SPATA17: variants seen among roughly 807,000 people sequenced by gnomAD.
SPATA17 encodes the protein spermatogenesis associated 17, also known as spermatogenesis-associated protein 17.
In SPATA17, 53 loss-of-function variants were observed where a neutral mutation model predicts 62.2. The observed-to-expected ratio is 0.85, with a 90% CI of 0.68 to 1.07. SPATA17 has a LOEUF of 1.07. SPATA17 is among the 50% of genes least tolerant of loss of function. The pLI is 0.00. For synonymous variants in SPATA17, 146 were observed against 146.8 expected, an observed-to-expected ratio of 0.99 and a Z score of 0.04; for missense variants, 466 against 425.5, an observed-to-expected ratio of 1.10 and a Z score of -0.84.
intron 3 of SPATA17, among the ~76,000 whole-genome samples, chr1:217,657,909 G>A (rs528625189): frequency 3.2e-4 from 48 of 152,212 alleles, no homozygotes; most frequent in African/African-American, 1.1e-3. Flanking sequence ...CAATCATGGC[G>A]GAAGGTGAAA....
rs556527498 is a variant in SPATA17 at position 217,707,341 on chromosome 1, T to A, written c.395+23980T>A. Among the ~76,000 whole-genome samples the A allele has an allele frequency of 3.3e-5, 5 of 152,330 alleles. No individual in the cohort carries two copies. The East Asian group carries it at 9.6e-4, about 29-fold the overall frequency. ...AGCTTTTAGATAGAGACTGTGGGAT[T>A]TTCTTGGTGTAGAATCATATCATCT... On this transcript the variant is annotated intron_variant, in intron 5 of 10. Transcript: ENST00000366933.
At chr1:217,832,275 A>G (rs1204809107) in intron 9 of SPATA17, among the ~76,000 whole-genome samples, 1 of 152,106 alleles carries the variant, frequency 6.6e-6, no homozygotes, top group African/African-American at 2.4e-5. Context: ...GTTCCCTAAA[A>G]TTCAAAGTAC....
At chr1:217,670,211 C>T (rs1226055831) in intron 4 of SPATA17, among the ~76,000 whole-genome samples, 2 of 152,122 alleles carry the variant, frequency 1.3e-5, no homozygotes, top group Admixed American at 1.3e-4. Context: ...TGATTCTTTT[C>T]TTCTTACTTC....
At chr1:217,726,969 G>C (rs112663749) in intron 5 of SPATA17, among the ~76,000 whole-genome samples, 8,545 of 151,814 alleles carry the variant, frequency 0.056, 255 homozygotes, top group Middle Eastern at 0.068. Flanking sequence ...AACTACTGTC[G>C]GGGAGCGGTG....
chr1:217,833,360 A>G (rs1675189702), intron 9 of SPATA17, among the ~76,000 whole-genome samples: 1 of 152,222 alleles, frequency 6.6e-6, no homozygotes, highest in South Asian at 2.1e-4. Flanking sequence ...TGAAACTTAC[A>G]TGTAAAAATG....
intron 1 of SPATA17, among the ~76,000 whole-genome samples, chr1:217,639,008 T>C (rs1349939196): frequency 2.0e-5 from 3 of 152,110 alleles, no homozygotes; most frequent in African/African-American, 4.8e-5. Flanking sequence ...TGCAGAATTC[T>C]GACTGGGAGT....
chr1:217,732,402 C>T (rs1672421060), intron 5 of SPATA17, among the ~76,000 whole-genome samples: 1 of 152,084 alleles, frequency 6.6e-6, no homozygotes, highest in Non-Finnish European at 1.5e-5. Flanking sequence ...ATTATTTTTG[C>T]TTTAAAGTGA....
At chr1:217,789,991 C>A (rs144642085) in intron 8 of SPATA17, among the ~76,000 whole-genome samples, 11 of 151,788 alleles carry the variant, frequency 7.2e-5, no homozygotes, top group African/African-American at 2.7e-4. Flanking sequence ...GAGCCCAGAT[C>A]GCACCACTGC....
chr1:217,843,905 G>A (rs1209962485), intron 9 of SPATA17, among the ~76,000 whole-genome samples: 3 of 152,114 alleles, frequency 2.0e-5, no homozygotes, highest in Admixed American at 6.6e-5. Flanking sequence ...TTTACACTGT[G>A]TATAGCACTG....
At chr1:217,735,409 T>C (rs1327785806) in intron 5 of SPATA17, among the ~76,000 whole-genome samples, 4 of 152,116 alleles carry the variant, frequency 2.6e-5, no homozygotes, top group Admixed American at 6.5e-5. Flanking sequence ...CTAATCCCAT[T>C]CAATGGGGGA....
At chr1:217,651,750 G>A (rs1464192609) in intron 3 of SPATA17, among the ~76,000 whole-genome samples, 1 of 152,138 alleles carries the variant, frequency 6.6e-6, no homozygotes, top group African/African-American at 2.4e-5. Flanking sequence ...TATATCGCAT[G>A]ATTAATTATT....
Position 217,736,785 on chromosome 1 carries a change from T to G in SPATA17, c.396-5190T>G, listed in dbSNP as rs531404183. On this transcript the variant is annotated intron_variant, in intron 5 of 10. Transcript: ENST00000366933. ...CTCTTTTATACATTAATGTTGTACA[T>G]TAGAATTATTTACTTGCTCAGAAAA... Among the ~76,000 whole-genome samples the G allele has an allele frequency of 2.6e-5, 4 of 152,328 alleles. No homozygotes were observed. In the South Asian group the frequency reaches 6.2e-4, roughly 24 times the overall value.
chr1:217,722,596 T>C (rs1672159622), intron 5 of SPATA17, among the ~76,000 whole-genome samples: 1 of 152,210 alleles, frequency 6.6e-6, no homozygotes, highest in Non-Finnish European at 1.5e-5. Context: ...TATATTGTCT[T>C]ACTATGTATA....
chr1:217,818,830 A>G (rs748500302), intron 9 of SPATA17, among the ~76,000 whole-genome samples: 15 of 145,366 alleles, frequency 1.0e-4, no homozygotes, highest in Non-Finnish European at 1.4e-4. Flanking sequence ...TTCTTTGCCT[A>G]TCTTCCACTT....
At chr1:217,731,975 C>A (rs1672410859) in intron 5 of SPATA17, among the ~76,000 whole-genome samples, 1 of 151,974 alleles carries the variant, frequency 6.6e-6, no homozygotes, top group Non-Finnish European at 1.5e-5. Flanking sequence ...TTTTTAATTA[C>A]CCCTTTGTAA....
intron 9 of SPATA17, among the ~76,000 whole-genome samples, chr1:217,833,820 T>A (rs1323388360): frequency 6.6e-6 from 1 of 152,172 alleles, no homozygotes; most frequent in Non-Finnish European, 1.5e-5. Context: ...ACACTGCTAT[T>A]GTTTACTTGA....
chr1:217,836,127 G>A (rs1028306987), intron 9 of SPATA17, among the ~76,000 whole-genome samples: 5 of 152,130 alleles, frequency 3.3e-5, no homozygotes, highest in African/African-American at 1.2e-4. Context: ...GGCTGGCCTT[G>A]CGTGAATTAA....
At chr1:217,723,007 G>A (rs760066862) in intron 5 of SPATA17, among the ~76,000 whole-genome samples, 7 of 152,078 alleles carry the variant, frequency 4.6e-5, no homozygotes, top group Non-Finnish European at 1.0e-4. Context: ...GGGTCAAGAG[G>A]GACTTAGTCT....
At chr1:217,706,632 A>G (rs1671743298) in intron 5 of SPATA17, among the ~76,000 whole-genome samples, 1 of 152,176 alleles carries the variant, frequency 6.6e-6, no homozygotes. Context: ...GTCATGCAGA[A>G]CTGTGAGTAA....
Sources: allele counts gnomAD v4.1 joint callset (sites outside exome capture counted in the v4.1 genomes callset), GRCh38; gene constraint gnomAD v4.1.1; transcripts MANE v1.5; gene names NCBI Gene and HGNC (gene_info 2026-07-23, HGNC 2026-07-21).